CAMKV: variants seen among roughly 807,000 people sequenced by gnomAD.
CAMKV encodes the protein CaM kinase like vesicle associated, also known as caM kinase-like vesicle-associated protein.
CAMKV carries 5 observed loss-of-function variants against 50.2 expected under a neutral mutation model. The observed-to-expected ratio is 0.10, with a 90% CI of 0.05 to 0.21. The LOEUF (loss-of-function observed/expected upper bound fraction) is 0.21, where lower values mean the gene tolerates loss of function less well. Ranked by LOEUF, CAMKV falls within the 10% of genes least tolerant of loss-of-function variation. The probability of loss-of-function intolerance (pLI) is 1.00; values close to 1 mark genes in which losing one functional copy is unlikely to be tolerated. For missense variants in CAMKV, 361 were observed against 650.5 expected (o/e 0.55, Z 4.84); for synonymous variants, 229 against 250.1 (o/e 0.92, Z 0.80).
chr3:49,859,294 G>A lies in CAMKV; in HGVS notation c.*24C>T. 6.7e-7 allele frequency: 1 copy of A among 1,496,238 alleles called. No homozygotes were observed. Among genetic ancestry groups the A allele is most frequent in the Non-Finnish European group, 8.9e-7 (1 of 1,120,192 alleles). 92.7% of individuals were successfully genotyped at this position (1,496,238 alleles called of 1,614,324 possible). ...TCTCCCACCCTCCTGCCCATCCCCT[G>A]CCCCCCCTCACCAGGCTGCCTACTC... is the stretch of plus-strand genomic sequence containing the variant. On this transcript the variant is annotated 3_prime_UTR_variant, in exon 11 of 11. Transcript: ENST00000477224. This position sits in a 1 kb window ranked among gnomAD's most constrained non-coding sequence, Gnocchi z 5.5.
In CAMKV at chr3:49,861,732, G is replaced by A. The variant is rs1238083755; in HGVS notation, c.302+59C>T. 3.8e-6 allele frequency: 6 copies of A among 1,599,426 alleles called. No individual in the cohort carries two copies. Among genetic ancestry groups the A allele is most frequent in the African/African-American group, 2.7e-5 (2 of 74,630 alleles). On this transcript the variant is annotated intron_variant, in intron 4 of 10. Transcript: ENST00000477224. The surrounding 1 kb of genome is among the most constrained non-coding windows in gnomAD (Gnocchi z 7.7). The stretch of plus-strand genomic sequence containing the variant: ...AAGGGGGTTTCCTTAGCTGCAGAGG[G>A]TGGGACAGGTGAAAGCCCTGGGCGC...
Position 49,869,510 on chromosome 3 carries a change from C to T in CAMKV, c.-15+248G>A, listed in dbSNP as rs1360078977. Reference sequence around the variant, plus strand: ...ACGAATCTTCGAGGGTTAATCTTTTCACAATTCCGAGCCGCAGAAGCTTCC... The same window carrying T: ...ACGAATCTTCGAGGGTTAATCTTTTTACAATTCCGAGCCGCAGAAGCTTCC... On this transcript the variant is annotated intron_variant, in intron 1 of 10. Coordinates refer to ENST00000477224, the MANE Select transcript of CAMKV (RefSeq NM_024046.5). This position sits in a 1 kb window ranked among gnomAD's most constrained non-coding sequence, Gnocchi z 5.2. 6.6e-6 allele frequency among the ~76,000 whole-genome samples: 1 copy of T among 152,152 alleles called. No individual in the cohort carries two copies. The highest frequency in any genetic ancestry group is 1.5e-5 in the Non-Finnish European group (1 of 68,002).
Position 49,860,676 on chromosome 3 carries a change from C to T in CAMKV, c.775+40G>A, listed in dbSNP as rs933653627. 1.9e-6 allele frequency: 3 copies of T among 1,613,272 alleles called. No homozygotes were observed. The highest frequency in any genetic ancestry group is 1.7e-6 in the Non-Finnish European group (2 of 1,179,396). The stretch of plus-strand genomic sequence containing the variant: ...ATGAGAGCAGGACACCCTCCCCACT[C>T]CCTTGCGTTCTACCAAGTGCTGGGC... On this transcript the variant is annotated intron_variant, in intron 8 of 10. Transcript: ENST00000477224. This position sits in a 1 kb window ranked among gnomAD's most constrained non-coding sequence, Gnocchi z 6.1.
At chr3:49,867,503 C>A (rs944079708) in intron 1 of CAMKV, among the ~76,000 whole-genome samples, 1 of 152,178 alleles carries the variant, frequency 6.6e-6, no homozygotes, top group Admixed American at 6.5e-5. Flanking sequence ...TCTCTGAACC[C>A]CTGAAGGAGA....
chr3:49,858,529 C>G lies in CAMKV; in HGVS notation c.*789G>C. 2.5e-6 allele frequency: 1 copy of G among 395,524 alleles called. No individual in the cohort carries two copies. Among genetic ancestry groups the G allele is most frequent in the East Asian group, 3.6e-5 (1 of 27,950 alleles). 24.5% of individuals were successfully genotyped at this position (395,524 alleles called of 1,614,324 possible). On this transcript the variant is annotated 3_prime_UTR_variant, in exon 11 of 11. Coordinates refer to ENST00000477224, the MANE Select transcript of CAMKV (RefSeq NM_024046.5). Reference sequence around the variant, plus strand: ...TGGGACACTGGGTGCTGGGCTTGTACTCTGCCCTGCCAGGTCTCATTGCCA... The same window carrying G: ...TGGGACACTGGGTGCTGGGCTTGTAGTCTGCCCTGCCAGGTCTCATTGCCA...
In CAMKV at chr3:49,860,828, A is replaced by G; in HGVS notation, c.663T>C (p.Tyr221=). The G allele has an allele frequency of 6.2e-7, 1 of 1,614,098 alleles. No homozygotes were observed. Among genetic ancestry groups the G allele is most frequent in the Non-Finnish European group, 8.5e-7 (1 of 1,180,002 alleles). ...CATAATCATCTTCTTCCACCTCCTC[A>G]TAGAAAGGTGGATTGCCTGAAAGCC... is the stretch of plus-strand genomic sequence containing the variant. ...YILLSGNPPF[Y]EEVEEDDYEN... Residue 221 remains tyrosine (Y), a synonymous_variant, in exon 8 of 11, where the codon TAT becomes TAC. Coordinates refer to ENST00000477224, the MANE Select transcript of CAMKV (RefSeq NM_024046.5). This position sits in a 1 kb window ranked among gnomAD's most constrained non-coding sequence, Gnocchi z 6.1.
rs1207344714 is a variant in CAMKV, at chr3:49,862,794, T to C, written c.-14-392A>G. ...AAGGTCTAGAGCTAACAAGTGTTAGTGGATATATGAAGAACGTGAGCACTG... is the reference window on the plus strand; with the variant it reads ...AAGGTCTAGAGCTAACAAGTGTTAGCGGATATATGAAGAACGTGAGCACTG... On this transcript the variant is annotated intron_variant, in intron 1 of 10. Transcript: ENST00000477224. This position sits in a 1 kb window ranked among gnomAD's most constrained non-coding sequence, Gnocchi z 5.2. 6.6e-6 allele frequency among the ~76,000 whole-genome samples: 1 copy of C among 152,202 alleles called. No individual in the cohort carries two copies. The highest frequency in any genetic ancestry group is 1.5e-5 in the Non-Finnish European group (1 of 68,034).
At position 49,862,857 on chromosome 3, in the gene CAMKV, G is replaced by C. The variant is rs896610484; in HGVS notation, c.-14-455C>G. The stretch of plus-strand genomic sequence containing the variant: ...AAACTCCCCTTTGTAAAGCAGTTTG[G>C]TAAAACCACTAAAGTCAAACAAACA... On this transcript the variant is annotated intron_variant, in intron 1 of 10. Coordinates refer to ENST00000477224, the MANE Select transcript of CAMKV (RefSeq NM_024046.5). This position sits in a 1 kb window ranked among gnomAD's most constrained non-coding sequence, Gnocchi z 5.2. Among the ~76,000 whole-genome samples, 1 of 152,178 alleles carries C rather than the reference G, an allele frequency of 6.6e-6. No homozygotes were observed. Among genetic ancestry groups the C allele is most frequent in the Non-Finnish European group, 1.5e-5 (1 of 68,044 alleles).
rs2082094982 is a variant in CAMKV at position 49,869,887 on chromosome 3, G to A, written c.-144C>T. On this transcript the variant is annotated 5_prime_UTR_variant, in exon 1 of 11. Coordinates refer to ENST00000477224, the MANE Select transcript of CAMKV (RefSeq NM_024046.5). The surrounding 1 kb of genome is among the most constrained non-coding windows in gnomAD (Gnocchi z 5.2). Reference sequence around the variant, plus strand: ...CGCGGCGCCAGATGCAGCCGCTTCGGCTAGCGAACCTCCAGCATCGCCAGC... The same window carrying A: ...CGCGGCGCCAGATGCAGCCGCTTCGACTAGCGAACCTCCAGCATCGCCAGC... 6.6e-6 allele frequency: 1 copy of A among 152,188 alleles called. No individual in the cohort carries two copies. The highest frequency in any genetic ancestry group is 2.4e-5 in the African/African-American group (1 of 41,454). 9.4% of individuals were successfully genotyped at this position (152,188 alleles called of 1,614,324 possible).
chr3:49,865,383 C>T (rs2082056723), intron 1 of CAMKV, among the ~76,000 whole-genome samples: 1 of 152,188 alleles, frequency 6.6e-6, no homozygotes, highest in African/African-American at 2.4e-5. Context: ...CTGCAGTCTC[C>T]CAAGAAGGCT....
Position 49,859,246 on chromosome 3 carries a change from A to T in CAMKV, c.*72T>A. ...GGGCATCATGCCAGTGACTCTATGT[A>T]CAGTGAGAAGCCCCTCATCCACTCT... On this transcript the variant is annotated 3_prime_UTR_variant, in exon 11 of 11. Coordinates refer to ENST00000477224, the MANE Select transcript of CAMKV (RefSeq NM_024046.5). The surrounding 1 kb of genome is among the most constrained non-coding windows in gnomAD (Gnocchi z 5.5). 1 of 1,327,904 alleles carries T rather than the reference A, an allele frequency of 7.5e-7. No individual in the cohort carries two copies. The highest frequency in any genetic ancestry group is 1.0e-6 in the Non-Finnish European group (1 of 976,328). The allele number at this position is 1,327,904 out of a possible 1,614,324, so 82.3% of individuals were successfully genotyped here. A position where few individuals can be genotyped will look rare whatever the true frequency, so the allele number is the denominator to read the frequency against.
chr3:49,863,405 G>A (rs1471222760), intron 1 of CAMKV: 2 of 152,176 alleles, frequency 1.3e-5, no homozygotes, highest in African/African-American at 2.4e-5. Flanking sequence ...TGCCCAGGCT[G>A]GAGTGCAGTG....
intron 1 of CAMKV, among the ~76,000 whole-genome samples, chr3:49,868,171 C>T (rs776150703): frequency 1.1e-4 from 17 of 152,122 alleles, no homozygotes; most frequent in Non-Finnish European, 2.1e-4. Context: ...TGAAGGCAGA[C>T]GCATAGGGGT....
At chr3:49,863,155 A>G (rs2082037465) in intron 1 of CAMKV, among the ~76,000 whole-genome samples, 1 of 152,276 alleles carries the variant, frequency 6.6e-6, no homozygotes, top group African/African-American at 2.4e-5. Flanking sequence ...AAGAATACAT[A>G]TAGTATGAGT....
intron 1 of CAMKV, among the ~76,000 whole-genome samples, chr3:49,867,590 T>C (rs2108334545): frequency 6.6e-6 from 1 of 151,762 alleles, no homozygotes; most frequent in East Asian, 1.9e-4. Flanking sequence ...AGGGTTGCTA[T>C]GGTGATGGAA....
At position 49,861,138 on chromosome 3, in the gene CAMKV, G is replaced by GC; in HGVS notation, c.562+41dup. On this transcript the variant is annotated intron_variant, in intron 6 of 10. Coordinates refer to ENST00000477224, the MANE Select transcript of CAMKV (RefSeq NM_024046.5). The surrounding 1 kb of genome is among the most constrained non-coding windows in gnomAD (Gnocchi z 7.7). ...TGCCCAGAGCAGCTCCCTGAAGGCT[G>GC]CCCCCCATTATCCCCCTGCCCCTGC... 1 of 1,583,626 alleles carries GC rather than the reference G, an allele frequency of 6.3e-7. No individual in the cohort carries two copies. Among genetic ancestry groups the GC allele is most frequent in the Non-Finnish European group, 8.6e-7 (1 of 1,164,226 alleles).
intron 1 of CAMKV, among the ~76,000 whole-genome samples, chr3:49,865,728 A>G (rs1249635944): frequency 2.0e-5 from 3 of 152,196 alleles, no homozygotes; most frequent in South Asian, 4.1e-4. Flanking sequence ...TTTGTGCAAC[A>G]CATTGTCCAA....
At chr3:49,866,099 A>C (rs1575409565) in intron 1 of CAMKV, among the ~76,000 whole-genome samples, 4 of 150,610 alleles carry the variant, frequency 2.7e-5, no homozygotes, top group African/African-American at 4.9e-5. Context: ...TCAGCCAGTC[A>C]CTCCTCCTCC....
Position 49,860,288 on chromosome 3 carries a change from G to T in CAMKV, c.855-30C>A. 6.2e-7 allele frequency: 1 copy of T among 1,602,914 alleles called. No homozygotes were observed. Among genetic ancestry groups the T allele is most frequent in the South Asian group, 1.1e-5 (1 of 90,816 alleles). On this transcript the variant is annotated intron_variant, in intron 9 of 10. Coordinates refer to ENST00000477224, the MANE Select transcript of CAMKV (RefSeq NM_024046.5). This position sits in a 1 kb window ranked among gnomAD's most constrained non-coding sequence, Gnocchi z 6.1. ...AAAGGGTGCAAGTGTGTCTGGATCTGAGAGAATGAGCCTTTGTGGAGACTC... is the reference window on the plus strand; with the variant it reads ...AAAGGGTGCAAGTGTGTCTGGATCTTAGAGAATGAGCCTTTGTGGAGACTC...
Sources: gnomAD v4.1 joint callset for allele counts (sites outside exome capture counted in the v4.1 genomes callset) on GRCh38, gnomAD v4.1.1 for gene constraint, Gnocchi (gnomAD v3.1) non-coding constraint, MANE v1.5 for transcripts, NCBI Gene and HGNC (gene_info 2026-07-23, HGNC 2026-07-21) for gene names.